ERICH6B: variants seen among roughly 807,000 people sequenced by gnomAD.
ERICH6B encodes glutamate rich 6B, also known as glutamate-rich protein 6B.
Under a neutral mutation model 80.0 loss-of-function variants are expected in ERICH6B, and 69 were observed. The ratio of observed to expected loss-of-function variants is 0.86; its 90% CI spans 0.71 to 1.05. The LOEUF is 1.05. ERICH6B is among the 50% of genes least tolerant of loss of function. ERICH6B has a pLI of 0.00. For missense variants in ERICH6B, 754 were observed against 796.1 expected, an observed-to-expected ratio of 0.95 and a Z score of 0.64; for synonymous variants, 283 against 291.9, an observed-to-expected ratio of 0.97 and a Z score of 0.31.
At chr13:45,562,663 C>T (rs1396908756) in intron 10 of ERICH6B, among the ~76,000 whole-genome samples, 3 of 152,128 alleles carry the variant, frequency 2.0e-5, no homozygotes, top group Non-Finnish European at 4.4e-5. Flanking sequence ...CATGAGAGCT[C>T]ATGGGAGGGA....
intron 13 of ERICH6B, among the ~76,000 whole-genome samples, chr13:45,547,869 C>T (rs753501934): frequency 6.6e-6 from 1 of 152,238 alleles, no homozygotes; most frequent in East Asian, 1.9e-4. Context: ...GGCCACCCCC[C>T]ACTCCCTAGT....
At chr13:45,563,580 G>A (rs1874783160) in intron 10 of ERICH6B, 147 bp downstream of exon 10, 1 of 742,830 alleles carries the variant, frequency 1.3e-6, no homozygotes, top group Non-Finnish European at 2.3e-6. Flanking sequence ...TTTCATCCCT[G>A]GCAGCCAGGA....
At position 45,561,424 on chromosome 13, in the gene ERICH6B, A is replaced by G; in HGVS notation, c.1352T>C (p.Val451Ala). The change falls in exon 11 of 15, where the codon GTT becomes GCT. Residue 451 changes from valine to alanine, a missense_variant. Coordinates refer to ENST00000298738, the MANE Select transcript of ERICH6B (RefSeq NM_182542.3). ...TCGTTCTAATTTCTTCCTATGATGA[A>G]CAACACGTTGAGGCTTTTGGATTTC... Reference protein sequence around the residue: ...TEEIQKPQRVVHHRKKLERDK... With the variant: ...TEEIQKPQRVAHHRKKLERDK... 1 of 1,552,326 alleles carries G rather than the reference A, an allele frequency of 6.4e-7. No individual in the cohort carries two copies. The highest frequency in any genetic ancestry group is 1.2e-5 in the South Asian group (1 of 84,064).
At chr13:45,604,451 G>T (rs548382229) in intron 2 of ERICH6B, among the ~76,000 whole-genome samples, 1 of 152,268 alleles carries the variant, frequency 6.6e-6, no homozygotes, top group South Asian at 2.1e-4. Flanking sequence ...GGGGAGCTAA[G>T]GTTCTGTGTG....
intron 1 of ERICH6B, among the ~76,000 whole-genome samples, chr13:45,609,001 C>T (rs906789310): frequency 1.3e-5 from 2 of 152,200 alleles, no homozygotes; most frequent in Non-Finnish European, 2.9e-5. Context: ...TCTTGCACCA[C>T]CTCCCACAAA....
intron 13 of ERICH6B, among the ~76,000 whole-genome samples, chr13:45,546,591 C>T (rs1874001322): frequency 6.6e-6 from 1 of 152,196 alleles, no homozygotes; most frequent in Non-Finnish European, 1.5e-5. Context: ...TTCCCCAAGA[C>T]GTAGGCCCCA....
rs182227863 is a variant in ERICH6B at position 45,552,977 on chromosome 13, G to A, written c.1408-2661C>T. On this transcript the variant is annotated intron_variant, in intron 11 of 14. Coordinates refer to ENST00000298738, the MANE Select transcript of ERICH6B (RefSeq NM_182542.3). ...CTTTGCATGATTTAAAAATATTTCC[G>A]TAAGCAATGTTCTGAGCGGATGGTC... The A allele has an allele frequency of 8.5e-5, 15 of 177,390 alleles. No individual in the cohort carries two copies. The East Asian group carries it at 2.0e-3, about 23-fold the overall frequency. The allele number at this position is 177,390 out of a possible 1,614,324, so 11.0% of individuals were successfully genotyped here.
intron 2 of ERICH6B, among the ~76,000 whole-genome samples, chr13:45,606,484 T>TTGCACTGTCTTG (rs1349893521): frequency 1.8e-4 from 24 of 131,500 alleles, no homozygotes; most frequent in African/African-American, 6.6e-4. Context: ...TCTTCTTGGC[T>TTGCACTGTCTTG]GAGATCCCAA....
intron 2 of ERICH6B, among the ~76,000 whole-genome samples, chr13:45,606,514 TATATATATATATATATATATATATATA>T (rs1481413437): frequency 1.3e-4 from 3 of 22,952 alleles, no homozygotes; most frequent in Non-Finnish European, 1.5e-4. Context: ...TGTATATATA[TATATATATATATATATATATATATATA>T]TATATATTTT....
chr13:45,545,026 G>A lies in ERICH6B; in HGVS notation c.1647-41C>T, dbSNP rs1024973627. 8.8e-6 allele frequency: 13 copies of A among 1,482,672 alleles called. No individual in the cohort carries two copies. In the African/African-American group the frequency reaches 1.7e-4, roughly 19 times the overall value. The allele number at this position is 1,482,672 out of a possible 1,614,324, so 91.8% of individuals were successfully genotyped here. On this transcript the variant is annotated intron_variant, in intron 13 of 14. Transcript: ENST00000298738. ...GCATGTCAGGCAGCCAGGGCGCTCA[G>A]CCCTGGGCCTCTGCTCCTCCTCTTC...
At chr13:45,550,884 C>T (rs1271236730) in intron 11 of ERICH6B, among the ~76,000 whole-genome samples, 1 of 152,148 alleles carries the variant, frequency 6.6e-6, no homozygotes, top group African/African-American at 2.4e-5. Flanking sequence ...TTCAAGATGA[C>T]CTCATCTTAA....
chr13:45,549,825 G>T (rs1593773100), intron 13 of ERICH6B, 68 bp downstream of exon 13: 3 of 1,486,298 alleles, frequency 2.0e-6, no homozygotes, highest in East Asian at 5.0e-5. Context: ...CATACAGTCT[G>T]GGAGTCACGC....
At chr13:45,542,634 G>A (rs909924099) in intron 14 of ERICH6B, among the ~76,000 whole-genome samples, 9 of 151,942 alleles carry the variant, frequency 5.9e-5, no homozygotes, top group Non-Finnish European at 8.8e-5. Context: ...TCCTCCCTCC[G>A]CCATTCAAAG....
rs1387991105 is a variant in ERICH6B, at chr13:45,606,533, ATATATATATATATATTTTTT to A, written c.-59+1011_-59+1030del. Among the ~76,000 whole-genome samples, 190 of 30,140 alleles carry A rather than the reference ATATATATATATATATTTTTT, an allele frequency of 6.3e-3. 1 individual carries two copies. Among genetic ancestry groups the A allele is most frequent in the Middle Eastern group, 0.021 (1 of 48 alleles). 19.8% of individuals were successfully genotyped at this position (30,140 alleles called of 152,430 possible). ...TATATATATATATATATATATATAT[ATATATATATATATATTTTTT>A]TTTTTTTTTTTTTTTTTGGAGACAG... is the stretch of plus-strand genomic sequence containing the variant. On this transcript the variant is annotated intron_variant, in intron 2 of 14. Transcript: ENST00000298738.
At chr13:45,578,370 T>G (rs747416837) in intron 7 of ERICH6B, among the ~76,000 whole-genome samples, 1 of 152,250 alleles carries the variant, frequency 6.6e-6, no homozygotes, top group Non-Finnish European at 1.5e-5. Context: ...TTTCTCCTCC[T>G]GCAAAATCTG....
chr13:45,550,078 C>G, intron 12 of ERICH6B, 33 bp from the exon 13 acceptor site: 1 of 1,549,364 alleles, frequency 6.5e-7, no homozygotes, highest in Non-Finnish European at 8.7e-7. Context: ...GTAGTCAGTC[C>G]TTGGGGTCCC....
chr13:45,566,101 C>G (rs1036339419), intron 9 of ERICH6B, among the ~76,000 whole-genome samples: 2 of 152,132 alleles, frequency 1.3e-5, no homozygotes, highest in Non-Finnish European at 2.9e-5. Flanking sequence ...TGCCCCTGCC[C>G]TAGAGATTTG....
intron 14 of ERICH6B, among the ~76,000 whole-genome samples, chr13:45,543,763 T>C (rs1439876599): frequency 6.6e-6 from 1 of 152,164 alleles, no homozygotes; most frequent in Non-Finnish European, 1.5e-5. Context: ...AAATACAGCA[T>C]TGGTCGTCTC....
intron 5 of ERICH6B, among the ~76,000 whole-genome samples, chr13:45,585,764 C>T (rs1414353170): frequency 1.3e-5 from 2 of 152,170 alleles, no homozygotes; most frequent in Non-Finnish European, 1.5e-5. Context: ...GCAAAATGTG[C>T]CCATACAGAC....
Sources: allele counts gnomAD v4.1 joint callset (sites outside exome capture counted in the v4.1 genomes callset), GRCh38; gene constraint gnomAD v4.1.1; transcripts MANE v1.5; gene names NCBI Gene and HGNC (gene_info 2026-07-23, HGNC 2026-07-21).